OMD: variants seen among roughly 807,000 people sequenced by gnomAD.
OMD encodes KSPG osteomodulin.
A neutral mutation model predicts 31.2 loss-of-function variants in OMD; 19 were observed. That is an observed-to-expected ratio of 0.61 (90% CI 0.42 to 0.89). The LOEUF (loss-of-function observed/expected upper bound fraction) is 0.89. OMD is among the 40% of genes least tolerant of loss of function. OMD has a pLI of 0.00. For synonymous variants in OMD, 155 were observed against 166.4 expected (o/e 0.93, Z 0.53); for missense variants, 448 against 490.8 (o/e 0.91, Z 0.82).
Position 92,415,094 on chromosome 9 carries a change from TTACTA to T in OMD, c.*53_*57del. ...TTGAGTAATACATGTTTACTTAGAT[TTACTA>T]TATTAAGTATAGGTTTTGTGAAGTC... On this transcript the variant is annotated 3_prime_UTR_variant, in exon 3 of 3. Transcript: ENST00000375550. The T allele has an allele frequency of 7.9e-7, 1 of 1,268,036 alleles. No homozygotes were observed. Among genetic ancestry groups the T allele is most frequent in the Non-Finnish European group, 1.1e-6 (1 of 916,176 alleles). The allele number at this position is 1,268,036 out of a possible 1,614,324, so 78.5% of individuals were successfully genotyped here. A position where few individuals can be genotyped will look rare whatever the true frequency, so the allele number is the denominator to read the frequency against.
chr9:92,414,924 G>A lies in OMD; in HGVS notation c.*228C>T. Reference sequence around the variant, plus strand: ...AAGAAACCATTAACGTTTAATTTATGATTCCCACTTGTCATTCTAATTTAT... The same window carrying A: ...AAGAAACCATTAACGTTTAATTTATAATTCCCACTTGTCATTCTAATTTAT... On this transcript the variant is annotated 3_prime_UTR_variant, in exon 3 of 3. Coordinates refer to ENST00000375550, the MANE Select transcript of OMD (RefSeq NM_005014.3). The A allele has an allele frequency of 3.0e-6, 1 of 335,254 alleles. No individual in the cohort carries two copies. 20.8% of individuals were successfully genotyped at this position (335,254 alleles called of 1,614,324 possible). A position where few individuals can be genotyped will look rare whatever the true frequency, so the allele number is the denominator to read the frequency against.
Position 92,415,064 on chromosome 9 carries a change from TTACTTTGAGTAA to T in OMD, c.*76_*87del. On this transcript the variant is annotated 3_prime_UTR_variant, in exon 3 of 3. Coordinates refer to ENST00000375550, the MANE Select transcript of OMD (RefSeq NM_005014.3). ...ATACTAATACATAATTCTAAATATA[TTACTTTGAGTAA>T]TACATGTTTACTTAGATTTACTATA... 1.0e-6 allele frequency: 1 copy of T among 995,582 alleles called. No individual in the cohort carries two copies. The highest frequency in any genetic ancestry group is 3.1e-5 in the Admixed American group (1 of 32,392). 61.7% of individuals were successfully genotyped at this position (995,582 alleles called of 1,614,324 possible). A position where few individuals can be genotyped will look rare whatever the true frequency, so the allele number is the denominator to read the frequency against.
In OMD at chr9:92,417,406, G is replaced by A. The variant is rs761809045; in HGVS notation, c.153C>T (p.Tyr51=). The change falls in exon 2 of 3, where the codon TAC becomes TAT. Residue 51 remains tyrosine (Y), a synonymous_variant. Coordinates refer to ENST00000375550, the MANE Select transcript of OMD (RefSeq NM_005014.3). ...AAGTATACTGATGAAAAGGAACTCC[G>A]TAGTCTACATTTTGACGAAATGGGA... ...TGFPFRQNVD[Y]GVPFHQYTLG... is the part of the protein sequence containing the mutation. 3.3e-5 allele frequency: 53 copies of A among 1,613,994 alleles called. No homozygotes were observed. The highest frequency in any genetic ancestry group is 2.5e-4 in the South Asian group (23 of 91,076).
chr9:92,416,601 CA>C lies in OMD; in HGVS notation c.940+17del. 3 of 1,398,212 alleles carry C rather than the reference CA, an allele frequency of 2.1e-6. No individual in the cohort carries two copies. The allele number at this position is 1,398,212 out of a possible 1,614,324, so 86.6% of individuals were successfully genotyped here. ...TTCCATTCTTTCTCTCTTCAAAACA[CA>C]ATAAAAGTCTACATACTTTCTATTT... On this transcript the variant is annotated intron_variant, in intron 2 of 2. Transcript: ENST00000375550.
chr9:92,415,745 A>G (rs1843573759), intron 2 of OMD, among the ~76,000 whole-genome samples: 1 of 149,202 alleles, frequency 6.7e-6, no homozygotes, highest in East Asian at 1.9e-4. Flanking sequence ...ATTATCTACA[A>G]TCCCACTACT....
Position 92,417,442 on chromosome 9 carries a change from G to A in OMD, c.117C>T (p.Tyr39=), listed in dbSNP as rs954327571. 3 of 1,613,784 alleles carry A rather than the reference G, an allele frequency of 1.9e-6. No homozygotes were observed. Among genetic ancestry groups the A allele is most frequent in the East Asian group, 2.2e-5 (1 of 44,858 alleles). Reference sequence around the variant, plus strand: ...TTTGACGAAATGGGAATCCTGTTTGGTAATCATCATCTGGCTCTTGGTCAT... The same window carrying A: ...TTTGACGAAATGGGAATCCTGTTTGATAATCATCATCTGGCTCTTGGTCAT... ...EDYDQEPDDD[Y]QTGFPFRQNV... is the part of the protein sequence containing the mutation. Residue 39 remains tyrosine, a synonymous_variant, in exon 2 of 3, where the codon TAC becomes TAT. Transcript: ENST00000375550.
chr9:92,422,279 C>T (rs1843830062), intron 1 of OMD, among the ~76,000 whole-genome samples: 1 of 152,112 alleles, frequency 6.6e-6, no homozygotes, highest in Non-Finnish European at 1.5e-5. Context: ...GTCTCGAACT[C>T]CTGACCTCAG....
At position 92,415,029 on chromosome 9, in the gene OMD, T is replaced by C; in HGVS notation, c.*123A>G. 1.4e-6 allele frequency: 1 copy of C among 707,888 alleles called. No individual in the cohort carries two copies. Among genetic ancestry groups the C allele is most frequent in the Non-Finnish European group, 2.2e-6 (1 of 458,866 alleles). 43.9% of individuals were successfully genotyped at this position (707,888 alleles called of 1,614,324 possible). A position where few individuals can be genotyped will look rare whatever the true frequency, so the allele number is the denominator to read the frequency against. ...GATGTCACCAACAACTTAAATTCAA[T>C]TCTGATCTTATACTAATACATAATT... On this transcript the variant is annotated 3_prime_UTR_variant, in exon 3 of 3. Coordinates refer to ENST00000375550, the MANE Select transcript of OMD (RefSeq NM_005014.3).
rs955842802 is a variant in OMD at position 92,414,066 on chromosome 9, G to A, written c.*1086C>T. Among the ~76,000 whole-genome samples, 2 of 152,086 alleles carry A rather than the reference G, an allele frequency of 1.3e-5. 1 individual carries two copies. The highest frequency in any genetic ancestry group is 1.3e-4 in the Admixed American group (2 of 15,258). On this transcript the variant is annotated 3_prime_UTR_variant, in exon 3 of 3. Transcript: ENST00000375550. The stretch of plus-strand genomic sequence containing the variant: ...AACATTAGCATGGTATATCAAGAGA[G>A]TTCATCACAGCAGTTAGATAATCAT...
chr9:92,415,984 G>A (rs1435378072), intron 2 of OMD, among the ~76,000 whole-genome samples: 1 of 137,174 alleles, frequency 7.3e-6, no homozygotes, highest in East Asian at 2.1e-4. Flanking sequence ...ATATATATAT[G>A]TATAAATTAT....
At position 92,416,725 on chromosome 9, in the gene OMD, A is replaced by G. The variant is rs140887651; in HGVS notation, c.834T>C (p.Asn278=). The G allele has an allele frequency of 4.2e-4, 671 of 1,613,572 alleles. 1 individual carries two copies. The highest frequency in any genetic ancestry group is 5.6e-4 in the Non-Finnish European group (665 of 1,179,676). The part of the protein sequence containing the change: ...KLQDIPYNIF[N]LPNIVELSVG... ...CACTGAGTTCTACAATGTTGGGAAGATTAAAAATATTATATGGGATGTCTT... is the reference window on the plus strand; with the variant it reads ...CACTGAGTTCTACAATGTTGGGAAGGTTAAAAATATTATATGGGATGTCTT... The change falls in exon 2 of 3, where the codon AAT becomes AAC. Residue 278 remains asparagine (N), a synonymous_variant. Transcript: ENST00000375550.
Position 92,414,344 on chromosome 9 carries a change from T to G in OMD, c.*808A>C, listed in dbSNP as rs1367588741. On this transcript the variant is annotated 3_prime_UTR_variant, in exon 3 of 3. Transcript: ENST00000375550. ...CAAATCATTTTGTAACAAAGAGGCC[T>G]TTCTATGGTTGTATTTTTACAAAAA... 1 of 198,046 alleles carries G rather than the reference T, an allele frequency of 5.0e-6. No homozygotes were observed. The highest frequency in any genetic ancestry group is 1.0e-5 in the Non-Finnish European group (1 of 95,616). 12.3% of individuals were successfully genotyped at this position (198,046 alleles called of 1,614,324 possible). A position where few individuals can be genotyped will look rare whatever the true frequency, so the allele number is the denominator to read the frequency against.
chr9:92,415,185 G>A lies in OMD; in HGVS notation c.1233C>T (p.His411=). 3 of 1,611,622 alleles carry A rather than the reference G, an allele frequency of 1.9e-6. No individual in the cohort carries two copies. The highest frequency in any genetic ancestry group is 2.5e-6 in the Non-Finnish European group (3 of 1,179,312). Residue 411 remains histidine, a synonymous_variant, in exon 3 of 3, where the codon CAC becomes CAT. Coordinates refer to ENST00000375550, the MANE Select transcript of OMD (RefSeq NM_005014.3). ...GATTTTCATAATAATGAAGGTCAAA[G>A]TGCCCTTCTGCTCCTTCTTGTTCTG... is the stretch of plus-strand genomic sequence containing the variant. ...ESPEQEGAEG[H]FDLHYYENQE
chr9:92,416,110 T>TA lies in OMD; in HGVS notation c.940+508_940+509insT, dbSNP rs1359678635. On this transcript the variant is annotated intron_variant, in intron 2 of 2. Coordinates refer to ENST00000375550, the MANE Select transcript of OMD (RefSeq NM_005014.3). ...TATTTATTTATTTATTTTATTTTTTTTTTTTTTAAGACAGAGTTTTGCTCT... is the reference window on the plus strand; with the variant it reads ...TATTTATTTATTTATTTTATTTTTTTATTTTTTTAAGACAGAGTTTTGCTCT... 1.3e-3 allele frequency among the ~76,000 whole-genome samples: 196 copies of TA among 145,814 alleles called. 1 individual carries two copies. Among genetic ancestry groups the TA allele is most frequent in the African/African-American group, 4.5e-3 (180 of 40,258 alleles).
At position 92,416,752 on chromosome 9, in the gene OMD, T is replaced by C. The variant is rs759521569; in HGVS notation, c.807A>G (p.Leu269=). 1.5e-5 allele frequency: 24 copies of C among 1,613,618 alleles called. No individual in the cohort carries two copies. The highest frequency in any genetic ancestry group is 9.3e-5 in the African/African-American group (7 of 74,932). The change falls in exon 2 of 3, where the codon CTA becomes CTG. Residue 269 remains leucine (L), a synonymous_variant. Transcript: ENST00000375550. ...TAAAAATATTATATGGGATGTCTTG[T>C]AGTTTGTTGTGTGACATTCTTAGAG... ...LHTLRMSHNK[L]QDIPYNIFNL...
At chr9:92,422,261 C>T (rs1180961270) in intron 1 of OMD, among the ~76,000 whole-genome samples, 3 of 152,042 alleles carry the variant, frequency 2.0e-5, no homozygotes, top group African/African-American at 7.2e-5. Context: ...GCCATGTTGG[C>T]CAGCCTGGTC....
chr9:92,417,524 A>G lies in OMD; in HGVS notation c.35T>C (p.Phe12Ser). 1 of 1,606,516 alleles carries G rather than the reference A, an allele frequency of 6.2e-7. No individual in the cohort carries two copies. The highest frequency in any genetic ancestry group is 8.5e-7 in the Non-Finnish European group (1 of 1,177,832). ...GCAATGTACTTTGACTCCAAAAAAG[A>G]AGAAAATAACATATATTGGACTTAA... ...GFLSPIYVIF[F>S]FFGVKVHCQY... The change falls in exon 2 of 3, where the codon TTC becomes TCC. Residue 12 changes from phenylalanine (F) to serine (S), a missense_variant. Physicochemically the swap from Phe to Ser is radical, Grantham distance 155. Transcript: ENST00000375550.
At position 92,415,154 on chromosome 9, in the gene OMD, A is replaced by G. The variant is rs1403025680; in HGVS notation, c.1264T>C (p.Ter422GlnextTer5). ...GTGTATACCTATATAGTTTCTTGCT[A>G]TTCTTGATTTTCATAATAATGAAGG... The part of the protein sequence containing the change: ...FDLHYYENQE[*>Q] Residue 422 changes from the stop codon to glutamine (Q), a stop_lost, in exon 3 of 3, where the codon TAG (stop) becomes CAG (glutamine). Coordinates refer to ENST00000375550, the MANE Select transcript of OMD (RefSeq NM_005014.3). 1.2e-6 allele frequency: 2 copies of G among 1,601,192 alleles called. No individual in the cohort carries two copies. The highest frequency in any genetic ancestry group is 2.7e-5 in the African/African-American group (2 of 73,958).
chr9:92,422,798 T>C (rs1009642906), intron 1 of OMD, among the ~76,000 whole-genome samples: 1 of 152,216 alleles, frequency 6.6e-6, no homozygotes, highest in African/African-American at 2.4e-5. Flanking sequence ...CAATCTCTTA[T>C]TTTATCCAAA....
Sources: allele counts gnomAD v4.1 joint callset (sites outside exome capture counted in the v4.1 genomes callset), GRCh38; gene constraint gnomAD v4.1.1; transcripts MANE v1.5; gene names NCBI Gene and HGNC (gene_info 2026-07-23, HGNC 2026-07-21).